NFASC: variants seen among roughly 807,000 people sequenced by gnomAD.
The protein encoded by NFASC is neurofascin homolog.
Under a neutral mutation model 147.5 loss-of-function variants are expected in NFASC, and 43 were observed. The observed-to-expected ratio is 0.29, with a 90% CI of 0.23 to 0.38. NFASC has a LOEUF of 0.38. Ranked by LOEUF, NFASC falls within the 10% of genes least tolerant of loss-of-function variation. The pLI, the probability that NFASC is intolerant of heterozygous loss-of-function variation, is 1.00. For missense variants in NFASC, 1,320 were observed against 1,689.0 expected (o/e 0.78, Z 3.83); for synonymous variants, 622 against 665.5 (o/e 0.93, Z 1.01).
chr1:204,877,016 A>ATATATATATAATATATATT (rs2078990619), intron 1 of NFASC, among the ~76,000 whole-genome samples: 3 of 109,672 alleles, frequency 2.7e-5, no homozygotes, highest in South Asian at 2.5e-4. Flanking sequence ...ATATATATAT[A>ATATATATATAATATATATT]TATATATATA....
At chr1:204,830,655 T>TGTGTGTTGTGTG (rs1553367624) in intron 1 of NFASC, among the ~76,000 whole-genome samples, 1 of 137,842 alleles carries the variant, frequency 7.3e-6, no homozygotes, top group African/African-American at 2.9e-5. Flanking sequence ...GTGATGTGTG[T>TGTGTGTTGTGTG]ATAGAGAGAG....
At position 205,016,888 on chromosome 1, in the gene NFASC, C is replaced by T. The variant is rs2096367035; in HGVS notation, c.*349C>T. On this transcript the variant is annotated 3_prime_UTR_variant, in exon 30 of 30. Transcript: ENST00000339876. This position sits in a 1 kb window ranked among gnomAD's most constrained non-coding sequence, Gnocchi z 5.1. ...CTCACCTTTTCTGTTGGTTACGGGA[C>T]TTCTCATTGTCTTAATTTCGCTTTG... The T allele has an allele frequency of 2.6e-6, 1 of 381,118 alleles. No homozygotes were observed. The highest frequency in any genetic ancestry group is 2.1e-5 in the African/African-American group (1 of 48,212). 23.6% of individuals were successfully genotyped at this position (381,118 alleles called of 1,614,324 possible).
intron 1 of NFASC, among the ~76,000 whole-genome samples, chr1:204,907,073 T>C (rs903771355): frequency 6.6e-6 from 1 of 152,194 alleles, no homozygotes; most frequent in Non-Finnish European, 1.5e-5. Flanking sequence ...CATTTTTTAT[T>C]CTCACCAGCA....
intron 7 of NFASC, among the ~76,000 whole-genome samples, chr1:204,956,486 G>T (rs2094438161): frequency 6.6e-6 from 1 of 152,144 alleles, no homozygotes; most frequent in African/African-American, 2.4e-5. Flanking sequence ...AGATATGCAG[G>T]CTTCAAGGCT....
intron 1 of NFASC, among the ~76,000 whole-genome samples, chr1:204,831,469 T>A (rs1672212820): frequency 1.3e-5 from 2 of 151,790 alleles, no homozygotes; most frequent in South Asian, 4.2e-4. Context: ...GTCTGATTTC[T>A]GTGGTGAGTG....
At chr1:204,878,455 T>C (rs941192794) in intron 1 of NFASC, among the ~76,000 whole-genome samples, 3 of 152,216 alleles carry the variant, frequency 2.0e-5, no homozygotes, top group Non-Finnish European at 4.4e-5. Context: ...GCTAGAGAAA[T>C]TTCCTGGATG....
At chr1:204,888,132 C>T (rs766632510) in intron 1 of NFASC, among the ~76,000 whole-genome samples, 20 of 152,278 alleles carry the variant, frequency 1.3e-4, no homozygotes, top group Admixed American at 4.6e-4. Flanking sequence ...CTCTGATTTC[C>T]GTGTCACCAG....
intron 1 of NFASC, among the ~76,000 whole-genome samples, chr1:204,862,898 T>A (rs1049911818): frequency 2.6e-5 from 4 of 152,214 alleles, no homozygotes; most frequent in African/African-American, 9.6e-5. Context: ...CCTGTAAACT[T>A]CAAATATTTT....
chr1:204,950,408 CAGG>C, intron 3 of NFASC, 146 bp from the exon 4 acceptor site: 2 of 733,068 alleles, frequency 2.7e-6, no homozygotes, highest in South Asian at 1.6e-5. Flanking sequence ...GCTTTGCAGC[CAGG>C]AGGAGAGAGC....
rs60921990 is a variant in NFASC, at chr1:204,995,315, A to AGTGTGTGTGTGT, written c.2783-1828_2783-1817dup. On this transcript the variant is annotated intron_variant, in intron 24 of 29. Transcript: ENST00000339876. ...GCTTTCCCATGTATGATGTGTGCAC[A>AGTGTGTGTGTGT]GTGTGTGTGTGTGTGTGTGTGTGTG... Among the ~76,000 whole-genome samples, 1,036 of 140,874 alleles carry AGTGTGTGTGTGT rather than the reference A, an allele frequency of 7.4e-3. 4 individuals are homozygous for AGTGTGTGTGTGT. Among genetic ancestry groups the AGTGTGTGTGTGT allele is most frequent in the Middle Eastern group, 0.018 (5 of 282 alleles). The allele number at this position is 140,874 out of a possible 152,430, so 92.4% of individuals were successfully genotyped here. A position where few individuals can be genotyped will look rare whatever the true frequency, so the allele number is the denominator to read the frequency against.
In NFASC at chr1:205,016,407, T is replaced by G; in HGVS notation, c.3591T>G (p.Gly1197=). ...SDDSLVDYGE[G]GEGQFNEDGS... ...ACAGCCTGGTGGACTATGGCGAGGG[T>G]GGCGAGGGTCAGTTCAATGAAGACG... is the stretch of plus-strand genomic sequence containing the variant. The change falls in exon 30 of 30, where the codon GGT becomes GGG. Residue 1197 remains glycine (G), a synonymous_variant. Coordinates refer to ENST00000339876, the MANE Select transcript of NFASC (RefSeq NM_001005388.3). This position sits in a 1 kb window ranked among gnomAD's most constrained non-coding sequence, Gnocchi z 5.1. The G allele has an allele frequency of 6.2e-7, 1 of 1,613,570 alleles. No homozygotes were observed. The highest frequency in any genetic ancestry group is 8.5e-7 in the Non-Finnish European group (1 of 1,179,912).
chr1:204,986,135 T>C lies in NFASC; in HGVS notation c.2471-1283T>C. ...AGGAGGTAGGTCTGGCCTGCAGCTCTTCAGGGTGGGGCAGGAGAAGGGTGG... is the reference window on the plus strand; with the variant it reads ...AGGAGGTAGGTCTGGCCTGCAGCTCCTCAGGGTGGGGCAGGAGAAGGGTGG... On this transcript the variant is annotated intron_variant, in intron 21 of 29. Transcript: ENST00000339876. The surrounding 1 kb of genome is among the most constrained non-coding windows in gnomAD (Gnocchi z 4.2). 6 of 1,581,216 alleles carry C rather than the reference T, an allele frequency of 3.8e-6. No homozygotes were observed. Among genetic ancestry groups the C allele is most frequent in the Non-Finnish European group, 5.2e-6 (6 of 1,150,170 alleles).
chr1:204,942,966 C>T (rs2802831), intron 2 of NFASC, among the ~76,000 whole-genome samples: 89,908 of 151,972 alleles, frequency 0.59, 28,852 homozygotes, highest in Non-Finnish European at 0.74. Context: ...CAGGATCTCT[C>T]GCCCCCTCAG....
At chr1:204,837,882 C>A (rs1388075967) in intron 1 of NFASC, among the ~76,000 whole-genome samples, 1 of 152,160 alleles carries the variant, frequency 6.6e-6, no homozygotes, top group Non-Finnish European at 1.5e-5. Context: ...GACTGTGTGT[C>A]CACGTATGCA....
rs1212112690 is a variant in NFASC, at chr1:204,920,778, G to A, written c.-91+38G>A. 75 of 1,047,724 alleles carry A rather than the reference G, an allele frequency of 7.2e-5. 1 individual carries two copies. The highest frequency in any genetic ancestry group is 9.5e-5 in the Non-Finnish European group (73 of 768,750). 64.9% of individuals were successfully genotyped at this position (1,047,724 alleles called of 1,614,324 possible). On this transcript the variant is annotated intron_variant, in intron 2 of 29. Transcript: ENST00000339876. ...TGGGCCTGGGGTATGTGTCATTGGA[G>A]GGGTGAGAATGAGGGGACATTCTCG...
chr1:204,870,667 C>A (rs1005900180), intron 1 of NFASC: 3 of 1,076,814 alleles, frequency 2.8e-6, no homozygotes, highest in East Asian at 7.8e-5. Flanking sequence ...GGAGACCCAG[C>A]GGTGAGCGAG....
At chr1:204,977,806 T>C (rs1214932744) in intron 17 of NFASC, 81 bp downstream of exon 17, 2 of 1,353,210 alleles carry the variant, frequency 1.5e-6, no homozygotes, top group Non-Finnish European at 2.1e-6. Context: ...GGAAGCCACT[T>C]TGGGAAAGGG....
At chr1:205,003,158 C>T (rs2096029737) in intron 27 of NFASC, among the ~76,000 whole-genome samples, 1 of 152,146 alleles carries the variant, frequency 6.6e-6, no homozygotes, top group Non-Finnish European at 1.5e-5. Context: ...GGGATAGGGC[C>T]AGCGCAGGGC....
intron 20 of NFASC, 77 bp downstream of exon 20, chr1:204,980,517 G>T: frequency 9.4e-7 from 1 of 1,066,356 alleles, no homozygotes; most frequent in South Asian, 1.4e-5. Context: ...TTGATGCCCC[G>T]ACACTACGAG....
Sources: gnomAD v4.1 joint callset for allele counts (sites outside exome capture counted in the v4.1 genomes callset) on GRCh38, gnomAD v4.1.1 for gene constraint, Gnocchi (gnomAD v3.1) non-coding constraint, MANE v1.5 for transcripts, NCBI Gene and HGNC (gene_info 2026-07-23, HGNC 2026-07-21) for gene names.